GNG2: variants seen among roughly 807,000 people sequenced by gnomAD.
GNG2 encodes G protein subunit gamma 2.
A neutral mutation model predicts 5.5 loss-of-function variants in GNG2; 5 were observed. That is an observed-to-expected ratio of 0.91 (90% CI 0.48 to 1.92). The LOEUF is 1.92. Ranked by LOEUF, GNG2 falls within the 30% of genes most tolerant of loss-of-function variation. GNG2 has a pLI of 0.01. For missense variants in GNG2, 55 were observed against 88.4 expected (o/e 0.62, Z 1.52); for synonymous variants, 28 against 32.0 (o/e 0.88, Z 0.42).
chr14:51,897,292 G>A (rs1594889388), intron 2 of GNG2, among the ~76,000 whole-genome samples: 1 of 152,170 alleles, frequency 6.6e-6, no homozygotes, highest in Non-Finnish European at 1.5e-5. Flanking sequence ...TTACAGTTAG[G>A]AAATGTATGG....
intron 2 of GNG2, among the ~76,000 whole-genome samples, chr14:51,927,923 T>TA (rs1264178973): frequency 6.6e-6 from 1 of 151,992 alleles, no homozygotes; most frequent in Non-Finnish European, 1.5e-5. Context: ...TCCCCTTGTG[T>TA]ACTTAGAATC....
At chr14:51,861,304 A>G (rs1204842564) in intron 1 of GNG2, 1 of 152,182 alleles carries the variant, frequency 6.6e-6, no homozygotes, top group African/African-American at 2.4e-5. Context: ...TGTGAGGGGC[A>G]GTATTTACCA....
At chr14:51,943,509 T>C (rs1429904318) in intron 2 of GNG2, among the ~76,000 whole-genome samples, 1 of 152,222 alleles carries the variant, frequency 6.6e-6, no homozygotes, top group African/African-American at 2.4e-5. Context: ...CAACCCTTTT[T>C]ATTGACCCCA....
chr14:51,860,710 G>GGCTGC lies in GNG2; in HGVS notation c.-148_-144dup, dbSNP rs1194617161. 2 of 153,092 alleles carry GGCTGC rather than the reference G, an allele frequency of 1.3e-5. No individual in the cohort carries two copies. The highest frequency in any genetic ancestry group is 2.4e-5 in the African/African-American group (1 of 41,462). The allele number at this position is 153,092 out of a possible 1,614,324, so 9.5% of individuals were successfully genotyped here. A position where few individuals can be genotyped will look rare whatever the true frequency, so the allele number is the denominator to read the frequency against. On this transcript the variant is annotated 5_prime_UTR_variant, in exon 1 of 4. Coordinates refer to ENST00000556766, the MANE Select transcript of GNG2 (RefSeq NM_053064.5). The stretch of plus-strand genomic sequence containing the variant: ...TGCTGGGCTGGGCTGGGCTGGGCTG[G>GGCTGC]GCTGCGCCGGAGCTCGCCTGCACAG...
intron 2 of GNG2, among the ~76,000 whole-genome samples, chr14:51,892,537 G>A (rs1884928703): frequency 6.6e-6 from 1 of 152,106 alleles, no homozygotes; most frequent in South Asian, 2.1e-4. Context: ...CACTTCAAGT[G>A]ATCCTCCAAT....
chr14:51,946,640 C>T (rs981208710), intron 2 of GNG2, among the ~76,000 whole-genome samples: 1 of 152,194 alleles, frequency 6.6e-6, no homozygotes, highest in African/African-American at 2.4e-5. Flanking sequence ...CTCACCAACA[C>T]TAGATGCCAT....
chr14:51,843,051 T>G (rs1016517565), intron 2 of GNG2, among the ~76,000 whole-genome samples: 2 of 152,166 alleles, frequency 1.3e-5, no homozygotes, highest in African/African-American at 4.8e-5. Context: ...CAGGCTGAGA[T>G]GTTGCAGCTA....
intron 2 of GNG2, among the ~76,000 whole-genome samples, chr14:51,886,763 C>T (rs896451107): frequency 5.3e-5 from 8 of 152,140 alleles, no homozygotes; most frequent in African/African-American, 1.9e-4. Context: ...CTGATTCTTC[C>T]ACTTATTCTG....
rs554094574 is a variant in GNG2, at chr14:51,904,494, G to A, written c.-30+26837G>A. Reference sequence around the variant, plus strand: ...CTTGGGGTTACTCAGAGCACCATACGGAGATGTTGTTGGGATGAACTGCCC... The same window carrying A: ...CTTGGGGTTACTCAGAGCACCATACAGAGATGTTGTTGGGATGAACTGCCC... On this transcript the variant is annotated intron_variant, in intron 2 of 3. Coordinates refer to ENST00000556766, the MANE Select transcript of GNG2 (RefSeq NM_053064.5). 3.3e-5 allele frequency among the ~76,000 whole-genome samples: 5 copies of A among 152,206 alleles called. No individual in the cohort carries two copies. The East Asian group carries it at 5.8e-4, about 18-fold the overall frequency.
At chr14:51,919,117 G>C (rs150773012) in intron 2 of GNG2, among the ~76,000 whole-genome samples, 2 of 152,018 alleles carry the variant, frequency 1.3e-5, no homozygotes, top group African/African-American at 2.4e-5. Flanking sequence ...GAGCCACCGC[G>C]TCCGGCCTAG....
intron 2 of GNG2, among the ~76,000 whole-genome samples, chr14:51,891,193 A>G (rs1018987636): frequency 6.6e-6 from 1 of 152,124 alleles, no homozygotes; most frequent in Non-Finnish European, 1.5e-5. Flanking sequence ...GCGGGGCGGG[A>G]TACCTTTTTG....
At chr14:51,882,446 G>A (rs963818649) in intron 2 of GNG2, among the ~76,000 whole-genome samples, 1 of 152,086 alleles carries the variant, frequency 6.6e-6, no homozygotes, top group African/African-American at 2.4e-5. Context: ...TCCATTACTG[G>A]GAACAGATAT....
At chr14:51,958,991 T>A (rs1353828665) in intron 3 of GNG2, among the ~76,000 whole-genome samples, 1 of 152,216 alleles carries the variant, frequency 6.6e-6, no homozygotes, top group Non-Finnish European at 1.5e-5. Context: ...TCTTATTTGA[T>A]GTCTTGGCAG....
intron 2 of GNG2, among the ~76,000 whole-genome samples, chr14:51,933,319 TGTC>T (rs1369833489): frequency 3.9e-5 from 6 of 152,156 alleles, no homozygotes; most frequent in Non-Finnish European, 5.9e-5. Context: ...CTTGGACAAA[TGTC>T]GTTGCAGGAA....
At chr14:51,901,603 C>G (rs936516901) in intron 2 of GNG2, among the ~76,000 whole-genome samples, 3 of 152,088 alleles carry the variant, frequency 2.0e-5, no homozygotes, top group Admixed American at 6.6e-5. Flanking sequence ...ATTGACAGCC[C>G]CAGTAGCCAC....
chr14:51,915,318 T>C (rs927654201), intron 2 of GNG2, among the ~76,000 whole-genome samples: 1 of 152,236 alleles, frequency 6.6e-6, no homozygotes, highest in Non-Finnish European at 1.5e-5. Flanking sequence ...ATTACACCTC[T>C]GCTACATTAT....
intron 2 of GNG2, among the ~76,000 whole-genome samples, chr14:51,846,720 C>A (rs971386026): frequency 6.6e-5 from 10 of 152,144 alleles, no homozygotes; most frequent in African/African-American, 2.2e-4. Flanking sequence ...TGCCAACACC[C>A]CTGGCTACAA....
At chr14:51,946,418 A>AT (rs375910196) in intron 2 of GNG2, among the ~76,000 whole-genome samples, 4 of 152,384 alleles carry the variant, frequency 2.6e-5, no homozygotes, top group Non-Finnish European at 4.4e-5. Context: ...TCCAATGAAT[A>AT]TATAGATGTA....
chr14:51,911,634 C>CA (rs1406358847), intron 2 of GNG2, among the ~76,000 whole-genome samples: 2 of 150,100 alleles, frequency 1.3e-5, no homozygotes, highest in African/African-American at 2.5e-5. Context: ...ACCTCTAACT[C>CA]TTGGGCTCAT....
Sources: allele counts gnomAD v4.1 joint callset (sites outside exome capture counted in the v4.1 genomes callset), GRCh38; gene constraint gnomAD v4.1.1; transcripts MANE v1.5; gene names NCBI Gene and HGNC (gene_info 2026-07-23, HGNC 2026-07-21).